The following EFNA5 variants were observed in gnomAD, a reference collection of about 807,000 sequenced individuals.
EFNA5 encodes ephrin A5.
EFNA5 carries 5 observed loss-of-function variants against 22.9 expected under a neutral mutation model. The observed-to-expected ratio is 0.22, with a 90% CI of 0.11 to 0.46. The LOEUF is 0.46. Among genes scored for constraint, EFNA5 ranks in the 20% least tolerant of loss-of-function variants. The probability of loss-of-function intolerance (pLI) is 0.99; values close to 1 mark genes in which losing one functional copy is unlikely to be tolerated. For synonymous variants in EFNA5, 113 were observed against 112.2 expected (o/e 1.01, Z -0.04); for missense variants, 237 against 293.3 (o/e 0.81, Z 1.40).
At chr5:107,642,767 G>C (rs1281949598) in intron 1 of EFNA5, among the ~76,000 whole-genome samples, 1 of 152,142 alleles carries the variant, frequency 6.6e-6, no homozygotes, top group Non-Finnish European at 1.5e-5. Flanking sequence ...GGTTTTTAAA[G>C]GAAGCTCCTT....
At chr5:107,507,979 T>C (rs529903852) in intron 1 of EFNA5, among the ~76,000 whole-genome samples, 12 of 152,306 alleles carry the variant, frequency 7.9e-5, no homozygotes, top group South Asian at 2.1e-4. Context: ...AGGTGGGATC[T>C]AACCATTAAA....
intron 1 of EFNA5, among the ~76,000 whole-genome samples, chr5:107,509,680 G>C (rs1342479245): frequency 2.0e-5 from 3 of 151,906 alleles, no homozygotes; most frequent in Admixed American, 1.3e-4. Context: ...ATATACAGAT[G>C]AATGGTTATA....
intron 1 of EFNA5, among the ~76,000 whole-genome samples, chr5:107,509,177 T>A (rs567968606): frequency 3.3e-5 from 5 of 152,310 alleles, no homozygotes; most frequent in Admixed American, 6.5e-5. Flanking sequence ...TTGCTAAAAA[T>A]TTTCTTATAA....
chr5:107,579,582 C>T (rs920853642), intron 1 of EFNA5, among the ~76,000 whole-genome samples: 2 of 151,548 alleles, frequency 1.3e-5, no homozygotes, highest in Non-Finnish European at 2.9e-5. Context: ...TCATTCCATA[C>T]CAGAATAATA....
intron 1 of EFNA5, among the ~76,000 whole-genome samples, chr5:107,487,803 TC>T (rs1168385191): frequency 6.6e-6 from 1 of 152,158 alleles, no homozygotes; most frequent in Non-Finnish European, 1.5e-5. Context: ...CATATTTGTA[TC>T]CCCTATAGCA....
chr5:107,547,127 C>T (rs1748181258), intron 1 of EFNA5, among the ~76,000 whole-genome samples: 2 of 152,196 alleles, frequency 1.3e-5, no homozygotes, highest in Admixed American at 1.3e-4. Flanking sequence ...GTATTACTTA[C>T]TGTAGCTTCA....
chr5:107,644,162 G>A (rs1321933135), intron 1 of EFNA5, among the ~76,000 whole-genome samples: 2 of 152,070 alleles, frequency 1.3e-5, no homozygotes, highest in African/African-American at 4.8e-5. Flanking sequence ...GGCGATACAA[G>A]CTGAAAGATG....
intron 1 of EFNA5, among the ~76,000 whole-genome samples, chr5:107,474,149 C>T (rs969085958): frequency 6.6e-6 from 1 of 152,124 alleles, no homozygotes; most frequent in African/African-American, 2.4e-5. Flanking sequence ...AAATAAAGTA[C>T]ATGTTTCTAC....
At chr5:107,603,532 A>G (rs1749648548) in intron 1 of EFNA5, among the ~76,000 whole-genome samples, 1 of 152,212 alleles carries the variant, frequency 6.6e-6, no homozygotes, top group Non-Finnish European at 1.5e-5. Flanking sequence ...TTAGTCATTC[A>G]CTTCCATAAA....
chr5:107,567,489 A>G (rs1045705018), intron 1 of EFNA5, among the ~76,000 whole-genome samples: 4 of 152,188 alleles, frequency 2.6e-5, no homozygotes, highest in Non-Finnish European at 4.4e-5. Flanking sequence ...CGAAAAAGTC[A>G]TTTATGTACT....
rs567477451 is a variant in EFNA5, at chr5:107,577,478, G to A, written c.125+93011C>T. On this transcript the variant is annotated intron_variant, in intron 1 of 4. Coordinates refer to ENST00000333274, the MANE Select transcript of EFNA5 (RefSeq NM_001962.3). The stretch of plus-strand genomic sequence containing the variant: ...CAGCAATAAGGGTTAAGATGCAAAA[G>A]GCAGGCCGAAACGGGAAATTTAAGG... Among the ~76,000 whole-genome samples the A allele has an allele frequency of 2.6e-5, 4 of 152,218 alleles. No homozygotes were observed. In the East Asian group the frequency reaches 7.7e-4, roughly 29 times the overall value.
At chr5:107,511,334 G>T (rs561234604) in intron 1 of EFNA5, among the ~76,000 whole-genome samples, 2 of 152,152 alleles carry the variant, frequency 1.3e-5, no homozygotes, top group South Asian at 4.1e-4. Context: ...CACCATAGTT[G>T]CATTTCTAAA....
rs116666221 is a variant in EFNA5, at chr5:107,534,095, C to G, written c.126-106586G>C. The stretch of plus-strand genomic sequence containing the variant: ...AATAACATTTAATTGCTGGATGACA[C>G]TGTGTGTCTGAGCTTGAATTCTGAT... On this transcript the variant is annotated intron_variant, in intron 1 of 4. Coordinates refer to ENST00000333274, the MANE Select transcript of EFNA5 (RefSeq NM_001962.3). Among the ~76,000 whole-genome samples, 720 of 152,326 alleles carry G rather than the reference C, an allele frequency of 4.7e-3. 7 individuals carry two copies. Among genetic ancestry groups the G allele is most frequent in the African/African-American group, 0.016 (684 of 41,570 alleles).
Position 107,599,365 on chromosome 5 carries a change from G to A in EFNA5, c.125+71124C>T, listed in dbSNP as rs552350221. ...AAGATACAGAACAGAGATATGCTCTGAGTATGATATGGTTTAAGTAAGAAA... is the reference window on the plus strand; with the variant it reads ...AAGATACAGAACAGAGATATGCTCTAAGTATGATATGGTTTAAGTAAGAAA... On this transcript the variant is annotated intron_variant, in intron 1 of 4. Coordinates refer to ENST00000333274, the MANE Select transcript of EFNA5 (RefSeq NM_001962.3). Among the ~76,000 whole-genome samples the A allele has an allele frequency of 5.3e-5, 8 of 152,290 alleles. 1 individual carries two copies. The East Asian group carries it at 1.5e-3, about 29-fold the overall frequency.
intron 3 of EFNA5, 42 bp downstream of exon 3, chr5:107,387,664 C>T (rs369964187): frequency 2.9e-5 from 42 of 1,444,142 alleles, no homozygotes; most frequent in Non-Finnish European, 3.8e-5. Flanking sequence ...ATAAAGCATG[C>T]GCGGTGAAGC....
At chr5:107,426,673 C>A (rs1748817257) in intron 2 of EFNA5, among the ~76,000 whole-genome samples, 2 of 152,260 alleles carry the variant, frequency 1.3e-5, no homozygotes, top group South Asian at 4.1e-4. Flanking sequence ...ACCTTGGAAC[C>A]CCTTCTAGAC....
intron 1 of EFNA5, among the ~76,000 whole-genome samples, chr5:107,628,104 T>C (rs1750177931): frequency 6.6e-6 from 1 of 152,288 alleles, no homozygotes; most frequent in South Asian, 2.1e-4. Flanking sequence ...AAAATAACAC[T>C]GTGAGATAGG....
At chr5:107,666,638 G>A (rs185275512) in intron 1 of EFNA5, among the ~76,000 whole-genome samples, 136 of 152,194 alleles carry the variant, frequency 8.9e-4, no homozygotes, top group African/African-American at 3.1e-3. Context: ...CAGAAGCAAA[G>A]CACCAGGTTG....
At chr5:107,493,354 T>TA (rs932969842) in intron 1 of EFNA5, among the ~76,000 whole-genome samples, 2 of 149,082 alleles carry the variant, frequency 1.3e-5, no homozygotes, top group Non-Finnish European at 1.5e-5. Context: ...AATTACTGAT[T>TA]AAAAAAAAAA....
Sources: gnomAD v4.1 joint callset for allele counts (sites outside exome capture counted in the v4.1 genomes callset) on GRCh38, gnomAD v4.1.1 for gene constraint, MANE v1.5 for transcripts, NCBI Gene and HGNC (gene_info 2026-07-23, HGNC 2026-07-21) for gene names.